The following NCAM2 variants were observed in gnomAD, a reference collection of about 807,000 sequenced individuals.
The protein encoded by NCAM2 is N-CAM-2.
NCAM2 carries 30 observed loss-of-function variants against 98.1 expected under a neutral mutation model. The observed-to-expected ratio is 0.31, with a 90% CI of 0.23 to 0.41. NCAM2 has a LOEUF of 0.41. Among genes scored for constraint, NCAM2 ranks in the 10% least tolerant of loss-of-function variants. NCAM2 has a pLI of 1.00. For synonymous variants in NCAM2, 368 were observed against 342.4 expected (o/e 1.07, Z -0.83); for missense variants, 867 against 1,005.8 (o/e 0.86, Z 1.87).
chr21:21,280,151 C>CT (rs1263744068), intron 1 of NCAM2, among the ~76,000 whole-genome samples: 1 of 139,388 alleles, frequency 7.2e-6, no homozygotes, highest in Non-Finnish European at 1.6e-5. Flanking sequence ...TAGTAGGTGT[C>CT]TACATGTAGT....
chr21:21,230,761 G>A (rs2070590279), intron 1 of NCAM2, among the ~76,000 whole-genome samples: 1 of 151,262 alleles, frequency 6.6e-6, no homozygotes, highest in South Asian at 2.1e-4. Context: ...ACACTTTCAT[G>A]AGTATTCCGT....
chr21:21,293,460 C>G (rs535744767), intron 5 of NCAM2, among the ~76,000 whole-genome samples: 2 of 151,810 alleles, frequency 1.3e-5, no homozygotes, highest in East Asian at 2.0e-4. Flanking sequence ...ATGATCCACC[C>G]CTTCCCTAAG....
chr21:21,531,243 T>C (rs899589951), intron 16 of NCAM2, among the ~76,000 whole-genome samples: 3 of 152,192 alleles, frequency 2.0e-5, no homozygotes, highest in Non-Finnish European at 4.4e-5. Flanking sequence ...AGTTTATATT[T>C]TTATCTGCAA....
At chr21:21,429,865 G>T (rs1159230354) in intron 11 of NCAM2, among the ~76,000 whole-genome samples, 3 of 151,932 alleles carry the variant, frequency 2.0e-5, no homozygotes, top group East Asian at 1.9e-4. Flanking sequence ...ATACACTGTG[G>T]CATTTCTTTA....
intron 1 of NCAM2, among the ~76,000 whole-genome samples, chr21:21,107,403 A>G (rs918025559): frequency 8.5e-5 from 13 of 152,118 alleles, no homozygotes; most frequent in African/African-American, 2.9e-4. Context: ...CAAGGTTAAT[A>G]GACATAGTCA....
At chr21:21,170,195 G>C (rs551226536) in intron 1 of NCAM2, among the ~76,000 whole-genome samples, 4 of 152,218 alleles carry the variant, frequency 2.6e-5, no homozygotes, top group East Asian at 1.9e-4. Context: ...AACTGCTTGG[G>C]ACTTTCTTAC....
At chr21:21,488,971 C>T (rs2146301965) in intron 15 of NCAM2, among the ~76,000 whole-genome samples, 1 of 151,732 alleles carries the variant, frequency 6.6e-6, no homozygotes, top group African/African-American at 2.4e-5. Context: ...TTTTCTTTTT[C>T]TATTTTAATT....
intron 1 of NCAM2, among the ~76,000 whole-genome samples, chr21:21,071,951 T>C (rs552718991): frequency 6.0e-4 from 91 of 151,956 alleles, no homozygotes; most frequent in Middle Eastern, 3.4e-3. Context: ...GTTGCTCTGT[T>C]GCCCAGGCTG....
At position 21,166,403 on chromosome 21, in the gene NCAM2, T is replaced by G. The variant is rs545425802; in HGVS notation, c.56-114175T>G. ...TTGTATTTTTAGTGGAGACGGGGTTTCACCATGTTGGTCAAGCTGGTCTCG... is the reference window on the plus strand; with the variant it reads ...TTGTATTTTTAGTGGAGACGGGGTTGCACCATGTTGGTCAAGCTGGTCTCG... On this transcript the variant is annotated intron_variant, in intron 1 of 17. Coordinates refer to ENST00000400546, the MANE Select transcript of NCAM2 (RefSeq NM_004540.5). Among the ~76,000 whole-genome samples, 12 of 151,848 alleles carry G rather than the reference T, an allele frequency of 7.9e-5. No individual in the cohort carries two copies. The South Asian group carries it at 2.5e-3, about 32-fold the overall frequency.
At chr21:21,089,673 T>C (rs2065972947) in intron 1 of NCAM2, among the ~76,000 whole-genome samples, 1 of 152,160 alleles carries the variant, frequency 6.6e-6, no homozygotes, top group African/African-American at 2.4e-5. Context: ...GGTTCAGTGA[T>C]TGTGCCACCT....
At chr21:21,274,596 A>G (rs1295786504) in intron 1 of NCAM2, among the ~76,000 whole-genome samples, 5 of 152,224 alleles carry the variant, frequency 3.3e-5, no homozygotes, top group Non-Finnish European at 5.9e-5. Flanking sequence ...ATATGTTTCA[A>G]TGAGAAAATT....
intron 5 of NCAM2, among the ~76,000 whole-genome samples, chr21:21,322,187 C>T (rs2074392627): frequency 1.3e-5 from 2 of 152,068 alleles, no homozygotes; most frequent in African/African-American, 4.8e-5. Context: ...AACTGTAGGC[C>T]GTAATCCTAA....
intron 9 of NCAM2, among the ~76,000 whole-genome samples, chr21:21,390,708 T>G (rs1271013848): frequency 6.6e-6 from 1 of 152,196 alleles, no homozygotes; most frequent in Non-Finnish European, 1.5e-5. Flanking sequence ...ATTTCAAGAA[T>G]TTATAAAAAC....
intron 1 of NCAM2, among the ~76,000 whole-genome samples, chr21:21,171,525 G>A (rs2068124763): frequency 6.6e-6 from 1 of 152,140 alleles, no homozygotes; most frequent in East Asian, 1.9e-4. Flanking sequence ...CTCGCCTCTG[G>A]AGTGTACCTT....
intron 16 of NCAM2, among the ~76,000 whole-genome samples, chr21:21,522,632 C>CTTTTTTTTTTTTTTT (rs61635255): frequency 2.4e-5 from 3 of 124,776 alleles, no homozygotes; most frequent in Admixed American, 9.0e-5. Context: ...TTTTCTTTTT[C>CTTTTTTTTTTTTTTT]TTTTTTTTTT....
intron 10 of NCAM2, among the ~76,000 whole-genome samples, chr21:21,412,688 TA>T (rs2076912007): frequency 6.6e-6 from 1 of 152,204 alleles, no homozygotes; most frequent in African/African-American, 2.4e-5. Flanking sequence ...ATCTGTTGGC[TA>T]AACCACTGAC....
At chr21:21,418,354 A>G (rs1186057566) in intron 10 of NCAM2, 119 bp from the exon 11 acceptor site, 9 of 686,860 alleles carry the variant, frequency 1.3e-5, no homozygotes, top group South Asian at 7.4e-5. Flanking sequence ...TTAAAAATAT[A>G]TGGTAAGGAG....
intron 9 of NCAM2, among the ~76,000 whole-genome samples, chr21:21,377,022 A>G (rs540955267): frequency 6.6e-5 from 10 of 151,836 alleles, no homozygotes; most frequent in Middle Eastern, 6.8e-3. Flanking sequence ...GTTTTCCCTA[A>G]GCATTGATTA....
chr21:21,286,147 T>C (rs749326721), intron 3 of NCAM2, 122 bp from the exon 4 acceptor site: 407 of 1,063,352 alleles, frequency 3.8e-4, no homozygotes, highest in Middle Eastern at 1.2e-3. Context: ...TTTTAAAGTA[T>C]CTAGGTTTCC....
Sources: allele counts gnomAD v4.1 joint callset (sites outside exome capture counted in the v4.1 genomes callset), GRCh38; gene constraint gnomAD v4.1.1; transcripts MANE v1.5; gene names NCBI Gene and HGNC (gene_info 2026-07-23, HGNC 2026-07-21).